Variants in ACTR3C observed in about 807,000 individuals in gnomAD.
ACTR3C encodes the protein actin-related protein 3C.
A neutral mutation model predicts 26.3 loss-of-function variants in ACTR3C; 18 were observed. The ratio of observed to expected loss-of-function variants is 0.68; its 90% CI spans 0.47 to 1.01. The LOEUF is 1.01. Ranked by LOEUF, ACTR3C falls within the 50% of genes least tolerant of loss-of-function variation. ACTR3C has a pLI of 0.00. For synonymous variants in ACTR3C, 55 were observed against 94.5 expected, an observed-to-expected ratio of 0.58 and a Z score of 2.42; for missense variants, 184 against 250.7, an observed-to-expected ratio of 0.73 and a Z score of 1.80.
the ACTR3C span, among the ~76,000 whole-genome samples, chr7:150,234,436 A>T: frequency 6.6e-6 from 1 of 152,134 alleles, no homozygotes; most frequent in Non-Finnish European, 1.5e-5. Context: ...CATGCGCCCC[A>T]CATGACCATG....
chr7:150,110,849 T>G, the ACTR3C span, among the ~76,000 whole-genome samples: 10 of 30,464 alleles, frequency 3.3e-4, no homozygotes, highest in South Asian at 2.5e-3. Context: ...CTGTTGGGGG[T>G]GTGGCTCTTA....
chr7:150,279,851 TAG>T (rs1407751912), intron 6 of ACTR3C, among the ~76,000 whole-genome samples: 2 of 152,214 alleles, frequency 1.3e-5, no homozygotes, highest in Non-Finnish European at 2.9e-5. Flanking sequence ...TGGTTCCCAT[TAG>T]AGTTATTTCC....
At chr7:149,907,947 A>G in the ACTR3C span, among the ~76,000 whole-genome samples, 3 of 152,108 alleles carry the variant, frequency 2.0e-5, no homozygotes, top group Admixed American at 1.3e-4. Context: ...TCATGGACTG[A>G]ACCATGTCCC....
At chr7:149,933,847 C>A in the ACTR3C span, among the ~76,000 whole-genome samples, 2 of 151,722 alleles carry the variant, frequency 1.3e-5, no homozygotes, top group African/African-American at 4.8e-5. Context: ...CTAGCAAGTT[C>A]CATTCAACAC....
chr7:150,009,647 G>T, the ACTR3C span, among the ~76,000 whole-genome samples: 1 of 152,198 alleles, frequency 6.6e-6, no homozygotes, highest in Non-Finnish European at 1.5e-5. Flanking sequence ...CAAGAACGGG[G>T]CAGCAAAGGA....
At chr7:150,299,576 A>T (rs1363309570) in intron 1 of ACTR3C, among the ~76,000 whole-genome samples, 6 of 150,698 alleles carry the variant, frequency 4.0e-5, no homozygotes, top group Admixed American at 3.3e-4. Flanking sequence ...ACCTGAGGTC[A>T]GGAGTTCAAG....
At chr7:149,978,380 AC>A in the ACTR3C span, among the ~76,000 whole-genome samples, 1 of 151,054 alleles carries the variant, frequency 6.6e-6, no homozygotes, top group South Asian at 2.1e-4. Context: ...TATGGTCTCC[AC>A]AAGCCTATTT....
chr7:150,300,550 C>A (rs1358068311), intron 1 of ACTR3C, among the ~76,000 whole-genome samples: 1 of 151,700 alleles, frequency 6.6e-6, no homozygotes, highest in Non-Finnish European at 1.5e-5. Context: ...ACTGTGTGTG[C>A]ATCACTTCTT....
the ACTR3C span, among the ~76,000 whole-genome samples, chr7:150,110,274 T>A: frequency 6.6e-6 from 1 of 151,666 alleles, no homozygotes; most frequent in East Asian, 1.9e-4. Context: ...TAAGAAAGAG[T>A]TGTCTTTTTG....
At chr7:149,908,081 GAGAA>G in the ACTR3C span, among the ~76,000 whole-genome samples, 3 of 151,916 alleles carry the variant, frequency 2.0e-5, no homozygotes, top group African/African-American at 7.2e-5. Context: ...CTTATCAGCA[GAGAA>G]AGAGACACCA....
the ACTR3C span, among the ~76,000 whole-genome samples, chr7:150,038,625 T>G: frequency 6.9e-6 from 1 of 145,314 alleles, no homozygotes; most frequent in African/African-American, 2.6e-5. Flanking sequence ...GTTCCCGAGC[T>G]GCGTTCGGAC....
At chr7:150,116,692 C>G in the ACTR3C span, among the ~76,000 whole-genome samples, 2 of 152,178 alleles carry the variant, frequency 1.3e-5, no homozygotes, top group Non-Finnish European at 1.5e-5. Flanking sequence ...CATCTAATGA[C>G]TTGCCCAAAA....
At chr7:150,206,118 A>G in the ACTR3C span, among the ~76,000 whole-genome samples, 1 of 152,206 alleles carries the variant, frequency 6.6e-6, no homozygotes, top group Non-Finnish European at 1.5e-5. Context: ...TCAGGGCCTC[A>G]TGATTTCTGT....
At chr7:150,116,599 A>T in the ACTR3C span, among the ~76,000 whole-genome samples, 1 of 152,242 alleles carries the variant, frequency 6.6e-6, no homozygotes, top group African/African-American at 2.4e-5. Context: ...CATAAGGAGA[A>T]ATAGCTCTGA....
At chr7:150,065,927 T>G in the ACTR3C span, among the ~76,000 whole-genome samples, 1 of 151,340 alleles carries the variant, frequency 6.6e-6, no homozygotes, top group African/African-American at 2.4e-5. Flanking sequence ...CAAGTGCAAT[T>G]GAAATGAACC....
At chr7:149,886,882 C>A in the ACTR3C span, among the ~76,000 whole-genome samples, 1 of 151,754 alleles carries the variant, frequency 6.6e-6, no homozygotes, top group African/African-American at 2.4e-5. Flanking sequence ...AATACTTGAG[C>A]CCAGGAGGTT....
chr7:150,158,689 T>A, the ACTR3C span, among the ~76,000 whole-genome samples: 2 of 152,210 alleles, frequency 1.3e-5, no homozygotes, highest in African/African-American at 4.8e-5. Flanking sequence ...GGTACAACCT[T>A]GCAGATAGAA....
At chr7:150,046,349 C>CT in the ACTR3C span, among the ~76,000 whole-genome samples, 1 of 36,172 alleles carries the variant, frequency 2.8e-5, no homozygotes, top group Non-Finnish European at 9.3e-5. Context: ...GTCTCACCGC[C>CT]CCCCCCCCCC....
intron 1 of ACTR3C, among the ~76,000 whole-genome samples, chr7:150,313,614 C>T (rs962241519): frequency 3.3e-5 from 5 of 152,218 alleles, no homozygotes; most frequent in Non-Finnish European, 7.3e-5. Context: ...ATATCCAACC[C>T]TCCCTTCCCA....
Sources: gnomAD v4.1 joint callset for allele counts (sites outside exome capture counted in the v4.1 genomes callset) on GRCh38, gnomAD v4.1.1 for gene constraint, MANE v1.5 for transcripts, NCBI Gene and HGNC (gene_info 2026-07-23, HGNC 2026-07-21) for gene names.